Variants in FGD6 observed in about 807,000 individuals in gnomAD.
FGD6 encodes the protein FYVE, RhoGEF and PH domain-containing protein 6.
FGD6 carries 90 observed loss-of-function variants against 149.4 expected under a neutral mutation model. The ratio of observed to expected loss-of-function variants is 0.60; its 90% CI spans 0.51 to 0.72. The LOEUF (loss-of-function observed/expected upper bound fraction) is 0.72. FGD6 is among the 30% of genes least tolerant of loss of function. The probability of loss-of-function intolerance (pLI) is 0.00; values close to 1 mark genes in which losing one functional copy is unlikely to be tolerated. For synonymous variants in FGD6, 527 were observed against 584.0 expected, an observed-to-expected ratio of 0.90 and a Z score of 1.41; for missense variants, 1,437 against 1,684.8, an observed-to-expected ratio of 0.85 and a Z score of 2.57.
At chr12:95,201,657 C>G (rs890205076) in intron 2 of FGD6, among the ~76,000 whole-genome samples, 1 of 152,126 alleles carries the variant, frequency 6.6e-6, no homozygotes, top group Admixed American at 6.6e-5. Flanking sequence ...CCTTGTCACC[C>G]TCCCCACTTC....
chr12:95,083,012 A>AAATATAT (rs68032073), intron 20 of FGD6, among the ~76,000 whole-genome samples: 2 of 20,038 alleles, frequency 1.0e-4, no homozygotes, highest in African/African-American at 3.0e-4. Flanking sequence ...AAAAAAAAAA[A>AAATATAT]ATATATATAT....
chr12:95,190,617 T>C (rs895940650), intron 2 of FGD6, among the ~76,000 whole-genome samples: 5 of 152,184 alleles, frequency 3.3e-5, no homozygotes, highest in Non-Finnish European at 7.3e-5. Context: ...ATATGTTACA[T>C]GGAGACAAGA....
At chr12:95,208,778 C>T in intron 2 of FGD6, 65 bp downstream of exon 2, 2 of 1,525,386 alleles carry the variant, frequency 1.3e-6, no homozygotes, top group Non-Finnish European at 1.8e-6. Flanking sequence ...GCATTCCTAA[C>T]TCACCAGGCT....
intron 14 of FGD6, among the ~76,000 whole-genome samples, chr12:95,102,146 T>A (rs1049154288): frequency 1.3e-5 from 2 of 150,770 alleles, no homozygotes; most frequent in Non-Finnish European, 3.0e-5. Flanking sequence ...ATCTCTATCT[T>A]AAAATTAAAA....
intron 5 of FGD6, among the ~76,000 whole-genome samples, chr12:95,150,015 C>CACACAG (rs1286083414): frequency 6.8e-6 from 1 of 147,558 alleles, no homozygotes; most frequent in East Asian, 2.0e-4. Context: ...CACACACACA[C>CACACAG]ACACACACAC....
At chr12:95,122,642 T>C in intron 8 of FGD6, among the ~76,000 whole-genome samples, 1 of 61,802 alleles carries the variant, frequency 1.6e-5, no homozygotes. Context: ...CGAGACTCAG[T>C]CTCAAAAAAA....
In FGD6 at chr12:95,093,773, T is replaced by C. The variant is rs532505517; in HGVS notation, c.3600+819A>G. ...CTGAGGCAGGAGAATCACTTAAATCTGGGAGGCAGAGGTTGCAGTGAGCCG... is the reference window on the plus strand; with the variant it reads ...CTGAGGCAGGAGAATCACTTAAATCCGGGAGGCAGAGGTTGCAGTGAGCCG... On this transcript the variant is annotated intron_variant, in intron 15 of 20. Coordinates refer to ENST00000343958, the MANE Select transcript of FGD6 (RefSeq NM_018351.4). 9.4e-4 allele frequency among the ~76,000 whole-genome samples: 140 copies of C among 148,418 alleles called. 1 individual carries two copies. The highest frequency in any genetic ancestry group is 3.1e-3 in the African/African-American group (124 of 40,122).
chr12:95,181,185 G>A (rs1182605954), intron 2 of FGD6, among the ~76,000 whole-genome samples: 1 of 152,140 alleles, frequency 6.6e-6, no homozygotes, highest in Non-Finnish European at 1.5e-5. Context: ...AGTCAGTAGA[G>A]GGATGTTCAA....
At chr12:95,110,437 C>T (rs1370235512) in intron 9 of FGD6, among the ~76,000 whole-genome samples, 1 of 151,362 alleles carries the variant, frequency 6.6e-6, no homozygotes, top group African/African-American at 2.4e-5. Context: ...GCTTACTCAA[C>T]CTCCGCCTCC....
At chr12:95,142,841 A>C (rs74380362) in intron 5 of FGD6, among the ~76,000 whole-genome samples, 3,167 of 152,282 alleles carry the variant, frequency 0.021, 46 homozygotes, top group Middle Eastern at 0.034. Flanking sequence ...CACAAATAAG[A>C]ATCTTTCTCT....
intron 20 of FGD6, 129 bp from the exon 21 acceptor site, chr12:95,081,685 A>ATTTTT: frequency 2.6e-5 from 6 of 232,246 alleles, no homozygotes; most frequent in East Asian, 7.5e-5. Context: ...ATATATATGT[A>ATTTTT]TTTTTTTTTT....
chr12:95,145,691 T>G (rs930635657), intron 5 of FGD6, among the ~76,000 whole-genome samples: 1 of 152,106 alleles, frequency 6.6e-6, no homozygotes, highest in Admixed American at 6.6e-5. Flanking sequence ...TTGTTTTTTG[T>G]TTTTGAGATG....
At chr12:95,131,674 G>A (rs558986419) in intron 8 of FGD6, among the ~76,000 whole-genome samples, 16 of 152,258 alleles carry the variant, frequency 1.1e-4, no homozygotes, top group African/African-American at 2.4e-4. Flanking sequence ...AGTCTACTAC[G>A]TTCTTTAATT....
At position 95,209,414 on chromosome 12, in the gene FGD6, T is replaced by C; in HGVS notation, c.1870A>G (p.Lys624Glu). 6.2e-7 allele frequency: 1 copy of C among 1,613,140 alleles called. No homozygotes were observed. The highest frequency in any genetic ancestry group is 8.5e-7 in the Non-Finnish European group (1 of 1,179,366). The change falls in exon 2 of 21, where the codon AAA (lysine) becomes GAA (glutamate). Residue 624 changes from lysine to glutamate, a missense_variant. Lys to Glu is a moderately conservative substitution (Grantham distance 56). This residue lies in a region of FGD6 where 1,055 missense variants were observed against 1,146.0 expected (regional missense o/e 0.92). Transcript: ENST00000343958. ...CTKPCKDSTKKNSFKKLLSMK... is the reference protein window; with the variant it reads ...CTKPCKDSTKENSFKKLLSMK... ...CTGAGCAACTTTTTAAAAGAGTTTT[T>C]CTTTGTAGAGTCTTTGCAAGGCTTA...
At chr12:95,134,151 T>C (rs1429330631) in intron 8 of FGD6, among the ~76,000 whole-genome samples, 1 of 152,150 alleles carries the variant, frequency 6.6e-6, no homozygotes, top group African/African-American at 2.4e-5. Context: ...CTGTTTTTTT[T>C]AGACAGGGGT....
intron 14 of FGD6, among the ~76,000 whole-genome samples, chr12:95,099,140 G>A (rs1312807481): frequency 6.6e-6 from 1 of 152,242 alleles, no homozygotes; most frequent in Non-Finnish European, 1.5e-5. Flanking sequence ...GCCTCTGAAA[G>A]TGTTGGGATT....
chr12:95,107,676 A>G, intron 11 of FGD6, 45 bp from the exon 12 acceptor site: 1 of 1,585,594 alleles, frequency 6.3e-7, no homozygotes, highest in South Asian at 1.1e-5. Flanking sequence ...CCATCACAAC[A>G]CAACGACAAT....
At chr12:95,148,530 A>G (rs1414043638) in intron 5 of FGD6, among the ~76,000 whole-genome samples, 2 of 135,860 alleles carry the variant, frequency 1.5e-5, no homozygotes, top group Non-Finnish European at 3.1e-5. Context: ...TATATATTAT[A>G]TAATATATAG....
intron 8 of FGD6, among the ~76,000 whole-genome samples, chr12:95,118,644 A>T (rs1459276329): frequency 6.6e-6 from 1 of 152,194 alleles, no homozygotes; most frequent in Non-Finnish European, 1.5e-5. Context: ...AAATGAGTGT[A>T]TAGGAGGGAT....
Sources: allele counts gnomAD v4.1 joint callset (sites outside exome capture counted in the v4.1 genomes callset), GRCh38; gene constraint gnomAD v4.1.1; regional missense constraint gnomAD v4.1.1; transcripts MANE v1.5; gene names NCBI Gene and HGNC (gene_info 2026-07-23, HGNC 2026-07-21).